RBP7: variants seen among roughly 807,000 people sequenced by gnomAD.
The protein encoded by RBP7 is retinoid-binding protein 7.
RBP7 carries 13 observed loss-of-function variants against 16.7 expected under a neutral mutation model. The ratio of observed to expected loss-of-function variants is 0.78; its 90% confidence interval spans 0.51 to 1.24. The LOEUF is 1.24. Ranked by LOEUF, RBP7 falls within the 50% of genes most tolerant of loss-of-function variation. RBP7 has a pLI of 0.00. For synonymous variants in RBP7, 54 were observed against 56.2 expected, an observed-to-expected ratio of 0.96 and a Z score of 0.17; for missense variants, 145 against 159.5, an observed-to-expected ratio of 0.91 and a Z score of 0.49.
Position 10,010,203 on chromosome 1 carries a change from C to A in RBP7, c.354+1929C>A, listed in dbSNP as rs1328716972. Among the ~76,000 whole-genome samples the A allele has an allele frequency of 8.5e-5, 13 of 152,068 alleles. 1 individual carries two copies. The highest frequency in any genetic ancestry group is 7.2e-4 in the Admixed American group (11 of 15,230). ...TGATCTCAGCTCGCTGCAAACTCTG[C>A]CTTCTGGGTTCAAGCAATTCTCCTG... is the stretch of plus-strand genomic sequence containing the variant. On this transcript the variant is annotated intron_variant, in intron 3 of 3. Coordinates refer to ENST00000294435, the MANE Select transcript of RBP7 (RefSeq NM_052960.3).
intron 1 of RBP7, among the ~76,000 whole-genome samples, chr1:10,001,705 C>A (rs1642282791): frequency 6.6e-6 from 1 of 152,152 alleles, no homozygotes; most frequent in Non-Finnish European, 1.5e-5. Context: ...CTAACTTGTG[C>A]AAGTCCTCGC....
At chr1:10,013,587 T>A (rs939085348) in intron 3 of RBP7, among the ~76,000 whole-genome samples, 2 of 151,972 alleles carry the variant, frequency 1.3e-5, no homozygotes, top group African/African-American at 4.8e-5. Flanking sequence ...GGCAGGTGGA[T>A]CATCTGACGT....
intron 1 of RBP7, among the ~76,000 whole-genome samples, chr1:9,998,407 C>CTTTTTTT (rs772810621): frequency 2.0e-4 from 24 of 121,578 alleles, no homozygotes; most frequent in African/African-American, 6.7e-4. Flanking sequence ...TTCTTTCTTT[C>CTTTTTTT]TTTTTTTTTT....
chr1:10,001,804 A>C (rs1247827303), intron 1 of RBP7, among the ~76,000 whole-genome samples: 1 of 126,766 alleles, frequency 7.9e-6, no homozygotes, highest in Non-Finnish European at 1.6e-5. Context: ...TATTTAATTT[A>C]ATTAGTTTAT....
At chr1:10,014,364 C>A (rs1203481777) in intron 3 of RBP7, among the ~76,000 whole-genome samples, 1 of 151,294 alleles carries the variant, frequency 6.6e-6, no homozygotes, top group Non-Finnish European at 1.5e-5. Flanking sequence ...CAGGCTGTTT[C>A]TTTTCTTTTC....
chr1:10,004,942 G>A (rs1173103369), intron 1 of RBP7, among the ~76,000 whole-genome samples: 2 of 152,078 alleles, frequency 1.3e-5, no homozygotes, highest in Non-Finnish European at 2.9e-5. Context: ...GCAGTGAGCC[G>A]AGATTGCACC....
chr1:10,011,189 C>T (rs1642606501), intron 3 of RBP7, among the ~76,000 whole-genome samples: 2 of 151,988 alleles, frequency 1.3e-5, no homozygotes, highest in Non-Finnish European at 2.9e-5. Context: ...CTCATTCTTG[C>T]TGTCATCTTA....
intron 1 of RBP7, among the ~76,000 whole-genome samples, chr1:10,002,048 G>A (rs553994016): frequency 8.0e-4 from 121 of 151,910 alleles, no homozygotes; most frequent in African/African-American, 2.3e-3. Context: ...GGCTGGTCTC[G>A]AACTCCTGAG....
chr1:10,004,021 G>A (rs1642349427), intron 1 of RBP7: 1 of 145,818 alleles, frequency 6.9e-6, no homozygotes, highest in African/African-American at 2.6e-5. Context: ...CTCCCAAAGT[G>A]TTAGGATTAC....
intron 1 of RBP7, among the ~76,000 whole-genome samples, chr1:10,001,919 C>T (rs1305148792): frequency 3.9e-5 from 6 of 152,012 alleles, no homozygotes; most frequent in Non-Finnish European, 7.4e-5. Context: ...AACTCCGTCT[C>T]CCGGGTTCAA....
chr1:10,005,075 G>A lies in RBP7; in HGVS notation c.74-2495G>A, dbSNP rs113919730. Among the ~76,000 whole-genome samples, 9 of 152,272 alleles carry A rather than the reference G, an allele frequency of 5.9e-5. 1 individual carries two copies. The East Asian group carries it at 9.6e-4, about 16-fold the overall frequency. Reference sequence around the variant, plus strand: ...TTAAATATTGTTGAAAACCAGTAAAGCCTGGATCATATTGCATCTCAAACT... The same window carrying A: ...TTAAATATTGTTGAAAACCAGTAAAACCTGGATCATATTGCATCTCAAACT... On this transcript the variant is annotated intron_variant, in intron 1 of 3. Coordinates refer to ENST00000294435, the MANE Select transcript of RBP7 (RefSeq NM_052960.3).
At chr1:10,015,077 G>A (rs114810934) in intron 3 of RBP7, among the ~76,000 whole-genome samples, 83 of 152,232 alleles carry the variant, frequency 5.5e-4, no homozygotes, top group African/African-American at 1.9e-3. Flanking sequence ...GCCAGGTGTG[G>A]TGGCTTATAA....
intron 3 of RBP7, among the ~76,000 whole-genome samples, chr1:10,009,013 T>A (rs1374663829): frequency 6.6e-6 from 1 of 152,182 alleles, no homozygotes; most frequent in Admixed American, 6.6e-5. Flanking sequence ...TCTCATCTAA[T>A]CTTCACAACC....
chr1:10,012,663 T>C (rs978864201), intron 3 of RBP7, among the ~76,000 whole-genome samples: 1 of 148,854 alleles, frequency 6.7e-6, no homozygotes, highest in African/African-American at 2.5e-5. Flanking sequence ...CTGGGCATGG[T>C]GGCTCACACC....
intron 1 of RBP7, among the ~76,000 whole-genome samples, chr1:9,998,414 T>TTTTC (rs1399846770): frequency 4.8e-5 from 7 of 145,258 alleles, no homozygotes; most frequent in Non-Finnish European, 1.1e-4. Flanking sequence ...TTTCTTTTTT[T>TTTTC]TTTTTTTTTT....
chr1:10,011,753 C>T (rs923527646), intron 3 of RBP7, among the ~76,000 whole-genome samples: 3 of 151,790 alleles, frequency 2.0e-5, no homozygotes, highest in South Asian at 2.1e-4. Flanking sequence ...ACTCTTCTGA[C>T]GATAAAAAAG....
At chr1:10,014,358 CTG>C (rs962837920) in intron 3 of RBP7, among the ~76,000 whole-genome samples, 7 of 151,636 alleles carry the variant, frequency 4.6e-5, no homozygotes, top group African/African-American at 1.7e-4. Flanking sequence ...TTCCATCAGG[CTG>C]TTTCTTTTCT....
chr1:10,009,397 C>T (rs1341476590), intron 3 of RBP7, among the ~76,000 whole-genome samples: 3 of 150,580 alleles, frequency 2.0e-5, no homozygotes, highest in South Asian at 2.1e-4. Flanking sequence ...TGACAGAGGC[C>T]GTTTCAAAAA....
chr1:10,007,841 G>A, intron 2 of RBP7, 93 bp downstream of exon 2: 1 of 1,155,152 alleles, frequency 8.7e-7, no homozygotes, highest in Non-Finnish European at 1.2e-6. Flanking sequence ...GAGGTCAGTA[G>A]TTTGAGACCA....
Sources: allele counts gnomAD v4.1 joint callset (sites outside exome capture counted in the v4.1 genomes callset), GRCh38; gene constraint gnomAD v4.1.1; transcripts MANE v1.5; gene names NCBI Gene and HGNC (gene_info 2026-07-23, HGNC 2026-07-21).